The following NRXN1 variants were observed in gnomAD, a reference collection of about 807,000 sequenced individuals.
NRXN1 encodes neurexin-1.
NRXN1 carries 39 observed loss-of-function variants against 150.9 expected under a neutral mutation model. That is an observed-to-expected ratio of 0.26 (90% confidence interval 0.20 to 0.34). The LOEUF is 0.34. Ranked by LOEUF, NRXN1 falls within the 10% of genes least tolerant of loss-of-function variation. The probability of loss-of-function intolerance (pLI) is 1.00; values close to 1 mark genes in which losing one functional copy is unlikely to be tolerated. For missense variants in NRXN1, 1,815 were observed against 1,949.9 expected, an observed-to-expected ratio of 0.93 and a Z score of 1.30; for synonymous variants, 924 against 757.0, an observed-to-expected ratio of 1.22 and a Z score of -3.62.
chr2:50,535,429 A>C (rs933878334), intron 10 of NRXN1, among the ~76,000 whole-genome samples: 6 of 152,228 alleles, frequency 3.9e-5, no homozygotes, highest in African/African-American at 1.2e-4. Flanking sequence ...AAAGGCAGTC[A>C]CATATTGTGA....
chr2:50,944,319 C>T (rs772455581), intron 2 of NRXN1, among the ~76,000 whole-genome samples: 4 of 152,080 alleles, frequency 2.6e-5, no homozygotes, highest in Non-Finnish European at 4.4e-5. Context: ...GCAGGAAACT[C>T]GGGGTCTCCA....
chr2:50,253,813 C>G (rs991015410), intron 17 of NRXN1, among the ~76,000 whole-genome samples: 3 of 151,984 alleles, frequency 2.0e-5, no homozygotes, highest in African/African-American at 7.2e-5. Context: ...CTTTGGTTTG[C>G]CAGTATTTTA....
chr2:50,515,942 A>G (rs961150696), intron 12 of NRXN1, among the ~76,000 whole-genome samples: 1 of 152,068 alleles, frequency 6.6e-6, no homozygotes, highest in African/African-American at 2.4e-5. Flanking sequence ...CTACTATTTG[A>G]CTTTCCCATT....
At chr2:49,940,996 G>T (rs1332258213) in intron 22 of NRXN1, among the ~76,000 whole-genome samples, 1 of 152,102 alleles carries the variant, frequency 6.6e-6, no homozygotes, top group Non-Finnish European at 1.5e-5. Context: ...GTACAAGAGT[G>T]TTAAAGTAGC....
At chr2:50,881,330 T>C (rs1410221211) in intron 5 of NRXN1, among the ~76,000 whole-genome samples, 2 of 151,930 alleles carry the variant, frequency 1.3e-5, no homozygotes, top group Non-Finnish European at 2.9e-5. Flanking sequence ...TTGCAATATA[T>C]ACACATTTCT....
At chr2:50,889,659 T>G (rs62140643) in intron 5 of NRXN1, among the ~76,000 whole-genome samples, 9 of 151,862 alleles carry the variant, frequency 5.9e-5, no homozygotes, top group Admixed American at 4.6e-4. Context: ...GCTAAAATCC[T>G]TCTTATTGGT....
intron 18 of NRXN1, among the ~76,000 whole-genome samples, chr2:50,231,015 C>T (rs542273536): frequency 3.9e-5 from 6 of 152,028 alleles, no homozygotes; most frequent in Non-Finnish European, 8.8e-5. Flanking sequence ...TTCTCTAATT[C>T]ATATAAGAAT....
chr2:50,494,185 T>C (rs990032686), intron 15 of NRXN1, among the ~76,000 whole-genome samples: 1 of 152,210 alleles, frequency 6.6e-6, no homozygotes, highest in Admixed American at 6.5e-5. Context: ...GGACCCTCAA[T>C]GTGTAGGGCT....
chr2:50,153,794 A>G (rs71407585), intron 18 of NRXN1, among the ~76,000 whole-genome samples: 2,688 of 151,940 alleles, frequency 0.018, 34 homozygotes, highest in Non-Finnish European at 0.027. Flanking sequence ...AGGGTTTGCA[A>G]CAATGAGGAG....
At chr2:50,285,783 A>T (rs2072073953) in intron 17 of NRXN1, among the ~76,000 whole-genome samples, 1 of 152,262 alleles carries the variant, frequency 6.6e-6, no homozygotes, top group Admixed American at 6.5e-5. Context: ...CAACTTTACG[A>T]AATGATCTTC....
intron 19 of NRXN1, among the ~76,000 whole-genome samples, chr2:50,081,112 G>A (rs1037915605): frequency 1.3e-5 from 2 of 152,132 alleles, no homozygotes; most frequent in African/African-American, 4.8e-5. Flanking sequence ...GAGATTCAAA[G>A]GAAGTTAAGA....
At chr2:50,855,566 G>A (rs10200092) in intron 5 of NRXN1, among the ~76,000 whole-genome samples, 5,775 of 152,148 alleles carry the variant, frequency 0.038, 173 homozygotes, top group Non-Finnish European at 0.057. Flanking sequence ...GCCAGAGGTT[G>A]AGAAATGACT....
chr2:50,942,092 C>G (rs531392446), intron 2 of NRXN1, among the ~76,000 whole-genome samples: 2 of 152,278 alleles, frequency 1.3e-5, no homozygotes, highest in South Asian at 2.1e-4. Flanking sequence ...GGAGAAGGCA[C>G]AGCACAGGCC....
At chr2:50,608,099 A>C (rs959071607) in intron 8 of NRXN1, among the ~76,000 whole-genome samples, 2 of 152,048 alleles carry the variant, frequency 1.3e-5, no homozygotes, top group African/African-American at 4.8e-5. Context: ...TGAGACTCCA[A>C]CTGTAAGCCT....
intron 13 of NRXN1, among the ~76,000 whole-genome samples, chr2:50,501,860 C>G (rs1017070997): frequency 6.6e-6 from 1 of 152,082 alleles, no homozygotes; most frequent in South Asian, 2.1e-4. Flanking sequence ...ATGTACTGCC[C>G]TGTGTTCAAC....
intron 5 of NRXN1, among the ~76,000 whole-genome samples, chr2:50,697,601 T>G (rs1693111514): frequency 6.6e-6 from 1 of 152,196 alleles, no homozygotes; most frequent in Non-Finnish European, 1.5e-5. Context: ...AAAGGTCTCC[T>G]CTCTCCCTTC....
intron 12 of NRXN1, among the ~76,000 whole-genome samples, chr2:50,518,237 A>C (rs919168937): frequency 6.6e-6 from 1 of 152,098 alleles, no homozygotes; most frequent in African/African-American, 2.4e-5. Flanking sequence ...AGCAATCTTT[A>C]AATCTAATCT....
At chr2:50,483,385 G>A (rs1053852535) in intron 15 of NRXN1, among the ~76,000 whole-genome samples, 2 of 152,090 alleles carry the variant, frequency 1.3e-5, no homozygotes, top group African/African-American at 4.8e-5. Flanking sequence ...ACGCTGTTCT[G>A]CCTATAAAGT....
chr2:50,237,457 C>G (rs1006811804), intron 17 of NRXN1, among the ~76,000 whole-genome samples: 1 of 151,946 alleles, frequency 6.6e-6, no homozygotes, highest in Non-Finnish European at 1.5e-5. Context: ...GAAAAAGGAT[C>G]TACTTACATG....
Sources: gnomAD v4.1 joint callset for allele counts (sites outside exome capture counted in the v4.1 genomes callset) on GRCh38, gnomAD v4.1.1 for gene constraint, MANE v1.5 for transcripts, NCBI Gene and HGNC (gene_info 2026-07-23, HGNC 2026-07-21) for gene names.